LHPP: variants seen among roughly 807,000 people sequenced by gnomAD.
LHPP encodes the protein phospholysine phosphohistidine inorganic pyrophosphate phosphatase, also known as hLHPP.
LHPP carries 24 observed loss-of-function variants against 30.3 expected under a neutral mutation model. That is an observed-to-expected ratio of 0.79 (90% confidence interval 0.57 to 1.11). LHPP has a LOEUF of 1.11. LHPP is among the 50% of genes most tolerant of loss of function. The pLI is 0.00. For missense variants in LHPP, 356 were observed against 367.2 expected (o/e 0.97, Z 0.25); for synonymous variants, 150 against 157.1 (o/e 0.95, Z 0.34).
intron 6 of LHPP, among the ~76,000 whole-genome samples, chr10:124,604,837 G>A (rs746161130): frequency 8.5e-5 from 13 of 152,228 alleles, no homozygotes; most frequent in Admixed American, 2.0e-4. Context: ...CCCTCCCTGG[G>A]TAGGCAGCTG....
At chr10:124,467,399 G>A (rs1365503415) in intron 1 of LHPP, among the ~76,000 whole-genome samples, 2 of 150,430 alleles carry the variant, frequency 1.3e-5, no homozygotes, top group Non-Finnish European at 3.0e-5. Context: ...AGGGGGCAGG[G>A]AGGGGGTCAT....
chr10:124,493,265 G>T (rs1953588502), intron 3 of LHPP, among the ~76,000 whole-genome samples: 1 of 152,156 alleles, frequency 6.6e-6, no homozygotes, highest in Non-Finnish European at 1.5e-5. Flanking sequence ...GAAAGGAACC[G>T]GCGGTTTTAG....
At chr10:124,533,205 A>G (rs767100263) in intron 6 of LHPP, among the ~76,000 whole-genome samples, 2 of 152,220 alleles carry the variant, frequency 1.3e-5, no homozygotes, top group African/African-American at 2.4e-5. Context: ...AGCCAGGCCA[A>G]CACTTCTGGA....
chr10:124,470,206 C>T (rs1952686420), intron 1 of LHPP, among the ~76,000 whole-genome samples: 1 of 152,188 alleles, frequency 6.6e-6, no homozygotes, highest in South Asian at 2.1e-4. Context: ...GGCCCTGGGC[C>T]TATGGCTGGG....
intron 6 of LHPP, among the ~76,000 whole-genome samples, chr10:124,539,454 A>G (rs934140459): frequency 6.6e-6 from 1 of 151,872 alleles, no homozygotes; most frequent in African/African-American, 2.4e-5. Flanking sequence ...GCGAAACCCC[A>G]TCTCTACTAC....
intron 6 of LHPP, among the ~76,000 whole-genome samples, chr10:124,553,239 C>T (rs1378890478): frequency 3.3e-5 from 5 of 152,172 alleles, no homozygotes; most frequent in African/African-American, 1.2e-4. Context: ...ATAGACTCAG[C>T]CTGACAAAGG....
intron 6 of LHPP, among the ~76,000 whole-genome samples, chr10:124,610,791 AGGGTGC>A (rs1389438450): frequency 1.0e-4 from 8 of 77,106 alleles, no homozygotes; most frequent in Non-Finnish European, 1.5e-4. Flanking sequence ...GGAGCGGGTG[AGGGTGC>A]GGGTGAGGGT....
chr10:124,476,894 C>T (rs747344313), intron 1 of LHPP, among the ~76,000 whole-genome samples: 3 of 152,170 alleles, frequency 2.0e-5, no homozygotes, highest in Non-Finnish European at 1.5e-5. Context: ...GCTAGCACTG[C>T]CCAGAGGCCC....
chr10:124,478,417 G>C lies in LHPP; in HGVS notation c.126-5722G>C, dbSNP rs907106798. Among the ~76,000 whole-genome samples, 1 of 152,132 alleles carries C rather than the reference G, an allele frequency of 6.6e-6. No homozygotes were observed. Among genetic ancestry groups the C allele is most frequent in the African/African-American group, 2.4e-5 (1 of 41,422 alleles). On this transcript the variant is annotated intron_variant, in intron 1 of 6. Transcript: ENST00000368842. This position sits in a 1 kb window ranked among gnomAD's most constrained non-coding sequence, Gnocchi z 4.7. ...GGGCTCATGCTGCCCTTTTCCTGAG[G>C]CCCCCTGCTGCCTGCCCAGTCTCCC...
chr10:124,570,585 C>T (rs1465400003), intron 6 of LHPP, among the ~76,000 whole-genome samples: 2 of 152,226 alleles, frequency 1.3e-5, no homozygotes, highest in African/African-American at 2.4e-5. Context: ...TATTCTGTCA[C>T]TCCAAAGAGA....
intron 6 of LHPP, among the ~76,000 whole-genome samples, chr10:124,579,686 G>T (rs1948719951): frequency 6.6e-6 from 1 of 152,156 alleles, no homozygotes; most frequent in African/African-American, 2.4e-5. Flanking sequence ...ATATTTCCAG[G>T]TCTGCTCTGG....
At chr10:124,610,449 A>AGGGTGCGGGTGAGGGTGCTGGTGGAGC in intron 6 of LHPP, among the ~76,000 whole-genome samples, 5 of 28,086 alleles carry the variant, frequency 1.8e-4, no homozygotes, top group Non-Finnish European at 2.8e-4. Context: ...GCAGCGGGTG[A>AGGGTGCGGGTGAGGGTGCTGGTGGAGC]GGGTGAGGGT....
At chr10:124,524,416 A>G (rs1954683032) in intron 6 of LHPP, among the ~76,000 whole-genome samples, 1 of 151,580 alleles carries the variant, frequency 6.6e-6, no homozygotes, top group Admixed American at 6.6e-5. Context: ...AGCTGGGATT[A>G]TAGCCACGCA....
intron 6 of LHPP, among the ~76,000 whole-genome samples, chr10:124,524,984 C>T (rs1243960159): frequency 6.6e-6 from 1 of 152,238 alleles, no homozygotes; most frequent in South Asian, 2.1e-4. Flanking sequence ...AGGCTATCAG[C>T]TCCCCAGAAG....
chr10:124,485,890 C>T (rs765911401), intron 2 of LHPP, among the ~76,000 whole-genome samples: 7 of 152,232 alleles, frequency 4.6e-5, no homozygotes, highest in South Asian at 2.1e-4. Flanking sequence ...CGTGAGCCAC[C>T]GCCTCCGGTC....
intron 3 of LHPP, among the ~76,000 whole-genome samples, chr10:124,494,470 C>T (rs950768898): frequency 3.3e-5 from 5 of 152,206 alleles, no homozygotes; most frequent in South Asian, 2.1e-4. Context: ...TTCTTTCCTC[C>T]GTCCTGGCTT....
intron 1 of LHPP, among the ~76,000 whole-genome samples, chr10:124,481,470 G>A (rs1953133824): frequency 6.9e-6 from 1 of 145,288 alleles, no homozygotes; most frequent in South Asian, 2.2e-4. Context: ...TCCACCTCCT[G>A]GGTTCAAGAG....
chr10:124,484,413 G>C, intron 2 of LHPP, 87 bp downstream of exon 2: 5 of 1,296,430 alleles, frequency 3.9e-6, no homozygotes, highest in Non-Finnish European at 5.4e-6. Flanking sequence ...CTTTCACTGG[G>C]CCAAACCACT....
intron 6 of LHPP, among the ~76,000 whole-genome samples, chr10:124,597,242 C>T (rs1042059035): frequency 1.3e-5 from 2 of 152,164 alleles, no homozygotes; most frequent in Non-Finnish European, 2.9e-5. Flanking sequence ...GCCTAGTGAT[C>T]GTGTGAGCCA....
Sources: gnomAD v4.1 joint callset for allele counts (sites outside exome capture counted in the v4.1 genomes callset) on GRCh38, gnomAD v4.1.1 for gene constraint, Gnocchi (gnomAD v3.1) non-coding constraint, MANE v1.5 for transcripts, NCBI Gene and HGNC (gene_info 2026-07-23, HGNC 2026-07-21) for gene names.